Variants in DNMT1 observed in about 807,000 individuals in gnomAD.
DNMT1 encodes the protein DNA methyltransferase 1.
Under a neutral mutation model 205.3 loss-of-function variants are expected in DNMT1, and 24 were observed. The observed-to-expected ratio is 0.12, with a 90% CI of 0.08 to 0.16. The LOEUF (loss-of-function observed/expected upper bound fraction) is 0.16. DNMT1 is among the 10% of genes least tolerant of loss of function. DNMT1 has a pLI of 1.00. For missense variants in DNMT1, 1,293 were observed against 2,177.7 expected (o/e 0.59, Z 8.09); for synonymous variants, 817 against 839.8 (o/e 0.97, Z 0.47).
At chr19:10,134,680 C>G (rs1379343304) in intron 39 of DNMT1, among the ~76,000 whole-genome samples, 1 of 151,842 alleles carries the variant, frequency 6.6e-6, no homozygotes, top group Non-Finnish European at 1.5e-5. Flanking sequence ...ATGGTGAAAC[C>G]CCGTCTCTAC....
Position 10,154,196 on chromosome 19 carries a change from G to T in DNMT1, c.2019+97C>A. ...CTCAGGGGTCACATTTGAGCAGCCA[G>T]AGTCTCAAGCCACAGAGAGAAAGAT... On this transcript the variant is annotated intron_variant, in intron 22 of 40. Transcript: ENST00000359526. The surrounding 1 kb of genome is among the most constrained non-coding windows in gnomAD (Gnocchi z 6.3). 1.5e-6 allele frequency: 2 copies of T among 1,298,798 alleles called. No homozygotes were observed. The highest frequency in any genetic ancestry group is 2.2e-6 in the Non-Finnish European group (2 of 900,500). 80.5% of individuals were successfully genotyped at this position (1,298,798 alleles called of 1,614,324 possible). A position where few individuals can be genotyped will look rare whatever the true frequency, so the allele number is the denominator to read the frequency against.
chr19:10,140,841 G>A lies in DNMT1; in HGVS notation c.3463C>T (p.Leu1155=), dbSNP rs1263434012. The change falls in exon 32 of 41, where the codon CTG becomes TTG. Residue 1155 remains leucine (L), a synonymous_variant. Transcript: ENST00000359526. This position sits in a 1 kb window ranked among gnomAD's most constrained non-coding sequence, Gnocchi z 8.4. ...EPEIEIKLPK[L]RTLDVFSGCG... ...CCAGAAAACACATCCAGGGTCCGCA[G>A]CTTGGGCAGCTTGATCTCTATCTCT... is the stretch of plus-strand genomic sequence containing the variant. 6.2e-7 allele frequency: 1 copy of A among 1,614,228 alleles called. No individual in the cohort carries two copies. Among genetic ancestry groups the A allele is most frequent in the Non-Finnish European group, 8.5e-7 (1 of 1,180,054 alleles).
chr19:10,168,311 G>A lies in DNMT1; in HGVS notation c.803+19C>T. 1 of 1,613,942 alleles carries A rather than the reference G, an allele frequency of 6.2e-7. No homozygotes were observed. Among genetic ancestry groups the A allele is most frequent in the Non-Finnish European group, 8.5e-7 (1 of 1,179,930 alleles). The stretch of plus-strand genomic sequence containing the variant: ...TTCAGTTTCACAACAAAGCACAAAG[G>A]CAGGTTCGCTGCACTTACGGTTCTT... On this transcript the variant is annotated intron_variant, in intron 10 of 40. Transcript: ENST00000359526.
At chr19:10,136,434 G>T (rs2089484889) in intron 37 of DNMT1, 147 bp from the exon 38 acceptor site, 2 of 985,892 alleles carry the variant, frequency 2.0e-6, no homozygotes, top group South Asian at 1.4e-5. Context: ...TCGTTCTCTG[G>T]GCACTGTTTT....
rs757460628 is a variant in DNMT1 at position 10,140,184 on chromosome 19, C to T, written c.3668G>A (p.Arg1223His). ...LVMAGETTNSRGQRLPQKGDV... is the reference protein window; with the variant it reads ...LVMAGETTNSHGQRLPQKGDV... ...TCCCTTCTGGGGCAGCCGCTGGCCG[C>T]GGGAGTTGGTGGTCTCCCCAGCCAT... The change falls in exon 33 of 41, where the codon CGC (arginine) becomes CAC (histidine). Residue 1223 changes from arginine (R) to histidine (H), a missense_variant. Arg to His is a conservative substitution (Grantham distance 29, BLOSUM62 0). Coordinates refer to ENST00000359526, the MANE Select transcript of DNMT1 (RefSeq NM_001130823.3). The surrounding 1 kb of genome is among the most constrained non-coding windows in gnomAD (Gnocchi z 8.4). 2.7e-5 allele frequency: 43 copies of T among 1,613,876 alleles called. No homozygotes were observed. The Admixed American group carries it at 2.7e-4, about 10-fold the overall frequency.
chr19:10,157,185 TC>T (rs2038474429), intron 17 of DNMT1, among the ~76,000 whole-genome samples: 1 of 152,146 alleles, frequency 6.6e-6, no homozygotes, highest in Non-Finnish European at 1.5e-5. Context: ...GCAGTCACTC[TC>T]CAGTCTCCTC....
Position 10,138,257 on chromosome 19 carries a change from G to T in DNMT1, c.4115+182C>A, listed in dbSNP as rs1343440535. 6.6e-6 allele frequency among the ~76,000 whole-genome samples: 1 copy of T among 152,264 alleles called. No individual in the cohort carries two copies. Among genetic ancestry groups the T allele is most frequent in the African/African-American group, 2.4e-5 (1 of 41,478 alleles). On this transcript the variant is annotated intron_variant, in intron 35 of 40. Transcript: ENST00000359526. This position sits in a 1 kb window ranked among gnomAD's most constrained non-coding sequence, Gnocchi z 4.1. The stretch of plus-strand genomic sequence containing the variant: ...GCACATGCTATCTACTAGGGAAGCA[G>T]ATGATGCAGGGTCAGAACTGGAGAC...
rs900128938 is a variant in DNMT1 at position 10,139,835 on chromosome 19, G to C, written c.3807-18C>G. Reference sequence around the variant, plus strand: ...CGCAGTAGCTGTAGGGGGCAGGAGAGACTGCAGGAGTCACCTCCACAGACA... The same window carrying C: ...CGCAGTAGCTGTAGGGGGCAGGAGACACTGCAGGAGTCACCTCCACAGACA... On this transcript the variant is annotated intron_variant, in intron 33 of 40. Coordinates refer to ENST00000359526, the MANE Select transcript of DNMT1 (RefSeq NM_001130823.3). 6.4e-7 allele frequency: 1 copy of C among 1,566,034 alleles called. No individual in the cohort carries two copies. The highest frequency in any genetic ancestry group is 1.4e-5 in the African/African-American group (1 of 74,008).
In DNMT1 at chr19:10,156,039, C is replaced by G. The variant is rs1164692180; in HGVS notation, c.1400-94G>C. ...GCCCACTCAGCAGACATCCCATCAG[C>G]CAGGTCGGGTGCTCCTCAGTCATCA... On this transcript the variant is annotated intron_variant, in intron 18 of 40. Coordinates refer to ENST00000359526, the MANE Select transcript of DNMT1 (RefSeq NM_001130823.3). This position sits in a 1 kb window ranked among gnomAD's most constrained non-coding sequence, Gnocchi z 4.2. 8 of 1,322,824 alleles carry G rather than the reference C, an allele frequency of 6.0e-6. No homozygotes were observed. The highest frequency in any genetic ancestry group is 7.4e-6 in the Non-Finnish European group (7 of 943,962). The allele number at this position is 1,322,824 out of a possible 1,614,324, so 81.9% of individuals were successfully genotyped here.
At chr19:10,155,773 G>C in intron 19 of DNMT1, 80 bp downstream of exon 19, 1 of 1,453,322 alleles carries the variant, frequency 6.9e-7, no homozygotes, top group Non-Finnish European at 9.5e-7. Context: ...ATTCCCACCA[G>C]AGCCCCGTCA....
chr19:10,182,402 T>C (rs1156512647), intron 1 of DNMT1, among the ~76,000 whole-genome samples: 2 of 82,136 alleles, frequency 2.4e-5, no homozygotes, highest in Non-Finnish European at 5.3e-5. Context: ...TGTGTATATA[T>C]ATACATATAT....
At chr19:10,172,191 G>A (rs182420864) in intron 9 of DNMT1, among the ~76,000 whole-genome samples, 4 of 151,856 alleles carry the variant, frequency 2.6e-5, no homozygotes, top group Admixed American at 6.6e-5. Flanking sequence ...CAAGGCAGGT[G>A]GATCACCTGA....
chr19:10,159,702 A>G lies in DNMT1; in HGVS notation c.1236T>C (p.Phe412=), dbSNP rs1810894694. 6.2e-7 allele frequency: 1 copy of G among 1,613,998 alleles called. No homozygotes were observed. Among genetic ancestry groups the G allele is most frequent in the African/African-American group, 1.3e-5 (1 of 74,914 alleles). ...GCTGGGGAAGCGCCTCATAACTCTC[A>G]AAGCCAGACTCGTTGGCATCAAAGA... The part of the protein sequence containing the change: ...LSIFDANESG[F]ESYEALPQHK... The change falls in exon 17 of 41, where the codon TTT becomes TTC. Residue 412 remains phenylalanine (F), a synonymous_variant. Coordinates refer to ENST00000359526, the MANE Select transcript of DNMT1 (RefSeq NM_001130823.3). The surrounding 1 kb of genome is among the most constrained non-coding windows in gnomAD (Gnocchi z 5.0).
At chr19:10,134,896 A>T (rs974275483) in intron 39 of DNMT1, among the ~76,000 whole-genome samples, 1 of 148,664 alleles carries the variant, frequency 6.7e-6, no homozygotes, top group African/African-American at 2.5e-5. Context: ...CCACCTAGAC[A>T]CGTTTCGCTC....
At chr19:10,134,457 A>C (rs1164527662) in intron 39 of DNMT1, 150 bp from the exon 40 acceptor site, 1 of 674,920 alleles carries the variant, frequency 1.5e-6, no homozygotes, top group Non-Finnish European at 2.5e-6. Flanking sequence ...ATGGGCCCAA[A>C]ACCCTTCCAG....
chr19:10,190,806 A>G (rs2039286608), intron 1 of DNMT1, among the ~76,000 whole-genome samples: 2 of 99,722 alleles, frequency 2.0e-5, no homozygotes, highest in African/African-American at 7.8e-5. Flanking sequence ...AAAATAAAAT[A>G]AAATAAAATA....
rs372346762 is a variant in DNMT1, at chr19:10,138,398, C to T, written c.4115+41G>A. On this transcript the variant is annotated intron_variant, in intron 35 of 40. Coordinates refer to ENST00000359526, the MANE Select transcript of DNMT1 (RefSeq NM_001130823.3). This position sits in a 1 kb window ranked among gnomAD's most constrained non-coding sequence, Gnocchi z 4.1. ...TCACGGGCCCCATGAGCTACTGAGG[C>T]CTGCTCGGCAGTGTGTGGAGGAGCG... 4.6e-5 allele frequency: 74 copies of T among 1,613,238 alleles called. No homozygotes were observed. In the African/African-American group the frequency reaches 6.0e-4, roughly 13 times the overall value.
rs1250169761 is a variant in DNMT1 at position 10,160,066 on chromosome 19, G to A, written c.1044-3C>T. 2.6e-6 allele frequency: 4 copies of A among 1,514,586 alleles called. No homozygotes were observed. Among genetic ancestry groups the A allele is most frequent in the Admixed American group, 3.8e-5 (2 of 52,362 alleles). The allele number at this position is 1,514,586 out of a possible 1,614,324, so 93.8% of individuals were successfully genotyped here. ...CGCGAGCCATTTTTTTCTCCGTTCT[G>A]GGGGAAAAAAAAAAATCACAAGATC... On this transcript the variant is annotated splice_region_variant and splice_polypyrimidine_tract_variant and intron_variant, in intron 14 of 40. Transcript: ENST00000359526.
chr19:10,145,216 G>A (rs966341590), intron 28 of DNMT1, among the ~76,000 whole-genome samples: 3 of 152,224 alleles, frequency 2.0e-5, no homozygotes, highest in Non-Finnish European at 4.4e-5. Flanking sequence ...CTCCCCACTA[G>A]GCCCCCCAGG....
Sources: gnomAD v4.1 joint callset for allele counts (sites outside exome capture counted in the v4.1 genomes callset) on GRCh38, gnomAD v4.1.1 for gene constraint, Gnocchi (gnomAD v3.1) non-coding constraint, MANE v1.5 for transcripts, NCBI Gene and HGNC (gene_info 2026-07-23, HGNC 2026-07-21) for gene names.